AEBP2: variants seen among roughly 807,000 people sequenced by gnomAD.
The protein encoded by AEBP2 is AE binding protein 2.
A neutral mutation model predicts 50.8 loss-of-function variants in AEBP2; 10 were observed. That is an observed-to-expected ratio of 0.20 (90% CI 0.12 to 0.33). The LOEUF (loss-of-function observed/expected upper bound fraction) is 0.33, where lower values mean the gene tolerates loss of function less well. Ranked by LOEUF, AEBP2 falls within the 10% of genes least tolerant of loss-of-function variation. AEBP2 has a pLI of 1.00. For synonymous variants in AEBP2, 296 were observed against 261.3 expected, an observed-to-expected ratio of 1.13 and a Z score of -1.28; for missense variants, 570 against 688.0, an observed-to-expected ratio of 0.83 and a Z score of 1.92.
At chr12:19,481,258 A>C (rs11044597) in intron 3 of AEBP2, among the ~76,000 whole-genome samples, 17 of 149,432 alleles carry the variant, frequency 1.1e-4, no homozygotes, top group African/African-American at 3.7e-4. Context: ...CCACCACCAC[A>C]CCCAGCTAAG....
intron 1 of AEBP2, among the ~76,000 whole-genome samples, chr12:19,421,224 A>T (rs990449014): frequency 5.3e-5 from 8 of 151,502 alleles, no homozygotes; most frequent in Non-Finnish European, 1.0e-4. Context: ...GACACCTGTA[A>T]TCCCTGCTAC....
At chr12:19,469,707 G>T (rs1948541814) in intron 2 of AEBP2, among the ~76,000 whole-genome samples, 1 of 152,168 alleles carries the variant, frequency 6.6e-6, no homozygotes, top group Non-Finnish European at 1.5e-5. Context: ...TCAGCCTCCA[G>T]AGCAGCTGGG....
At chr12:19,454,102 G>A (rs914994151) in intron 1 of AEBP2, among the ~76,000 whole-genome samples, 23 of 151,980 alleles carry the variant, frequency 1.5e-4, no homozygotes, top group Non-Finnish European at 2.2e-4. Flanking sequence ...ATGTTGCCAG[G>A]CTGATCTCCA....
intron 4 of AEBP2, among the ~76,000 whole-genome samples, chr12:19,498,608 A>G (rs1416268771): frequency 6.6e-6 from 1 of 152,146 alleles, no homozygotes; most frequent in Non-Finnish European, 1.5e-5. Flanking sequence ...CAACTCTTTT[A>G]TTAGTGAAAT....
At chr12:19,469,630 T>G (rs1455351886) in intron 2 of AEBP2, among the ~76,000 whole-genome samples, 15 of 152,202 alleles carry the variant, frequency 9.9e-5, no homozygotes, top group Admixed American at 9.8e-4. Context: ...TTAAACATTT[T>G]CAGAGTTGGG....
At chr12:19,458,522 G>A (rs1299208741) in intron 1 of AEBP2, among the ~76,000 whole-genome samples, 1 of 152,150 alleles carries the variant, frequency 6.6e-6, no homozygotes, top group Non-Finnish European at 1.5e-5. Flanking sequence ...TTTATGAGGA[G>A]CTATATCCAC....
intron 5 of AEBP2, 49 bp downstream of exon 5, chr12:19,500,270 A>C (rs1443000878): frequency 7.4e-7 from 1 of 1,354,744 alleles, no homozygotes; most frequent in Non-Finnish European, 9.8e-7. Flanking sequence ...TTTGCAAAAA[A>C]ATATTTCCAC....
At chr12:19,509,603 C>T (rs1283646880) in intron 5 of AEBP2, among the ~76,000 whole-genome samples, 2 of 151,930 alleles carry the variant, frequency 1.3e-5, no homozygotes, top group Non-Finnish European at 2.9e-5. Context: ...AAAGACATAC[C>T]TAGGCGTAGT....
upstream of AEBP2, among the ~76,000 whole-genome samples, chr12:19,435,764 A>G (rs2095753899): frequency 1.3e-5 from 2 of 152,194 alleles, no homozygotes; most frequent in Admixed American, 1.3e-4. Flanking sequence ...CTTACTATAC[A>G]CTTTGTCGAA....
chr12:19,481,092 C>CTTTTTTTTTTTTTTTTTTTT lies in AEBP2; in HGVS notation c.987+7744_987+7763dup, dbSNP rs71067027. On this transcript the variant is annotated intron_variant, in intron 3 of 7. Coordinates refer to ENST00000266508, the MANE Select transcript of AEBP2 (RefSeq NM_153207.5). ...TGTTATTGAAACTTTGCAGTGCATCCTTTTTTTTTTTTTTTTTTTTTTTTT... is the reference window on the plus strand; with the variant it reads ...TGTTATTGAAACTTTGCAGTGCATCCTTTTTTTTTTTTTTTTTTTTTTTTTTTTTTTTTTTTTTTTTTTTT... Among the ~76,000 whole-genome samples the CTTTTTTTTTTTTTTTTTTTT allele has an allele frequency of 4.1e-5, 3 of 74,050 alleles. 1 individual carries two copies. The highest frequency in any genetic ancestry group is 1.1e-4 in the African/African-American group (2 of 17,554). The allele number at this position is 74,050 out of a possible 152,430, so 48.6% of individuals were successfully genotyped here. A position where few individuals can be genotyped will look rare whatever the true frequency, so the allele number is the denominator to read the frequency against.
chr12:19,484,792 A>T (rs1401459777), intron 3 of AEBP2, among the ~76,000 whole-genome samples: 4 of 152,162 alleles, frequency 2.6e-5, no homozygotes, highest in African/African-American at 9.6e-5. Flanking sequence ...GTCTCTGAAG[A>T]AAAAAATGAA....
intron 1 of AEBP2, among the ~76,000 whole-genome samples, chr12:19,458,504 A>G (rs1015059661): frequency 3.9e-5 from 6 of 152,170 alleles, no homozygotes; most frequent in Non-Finnish European, 5.9e-5. Flanking sequence ...CATTTACATT[A>G]TGTTGTCTTT....
At chr12:19,446,649 G>A (rs1359710840) in intron 1 of AEBP2, among the ~76,000 whole-genome samples, 3 of 151,396 alleles carry the variant, frequency 2.0e-5, no homozygotes, top group Non-Finnish European at 4.4e-5. Context: ...GGAGAACGGC[G>A]TGAACCCAGG....
upstream of AEBP2, among the ~76,000 whole-genome samples, chr12:19,435,769 G>T (rs2153365487): frequency 6.6e-6 from 1 of 152,210 alleles, no homozygotes; most frequent in Non-Finnish European, 1.5e-5. Flanking sequence ...TATACACTTT[G>T]TCGAAATCCT....
intron 3 of AEBP2, among the ~76,000 whole-genome samples, chr12:19,482,906 C>T (rs1337839422): frequency 6.6e-6 from 1 of 152,116 alleles, no homozygotes; most frequent in Non-Finnish European, 1.5e-5. Context: ...CCTCATTCAG[C>T]TCCCATGCAG....
At chr12:19,506,224 G>A (rs1426383836) in intron 5 of AEBP2, among the ~76,000 whole-genome samples, 1 of 151,992 alleles carries the variant, frequency 6.6e-6, no homozygotes, top group East Asian at 1.9e-4. Flanking sequence ...AGCTTCCCTA[G>A]TAGCTGGGAC....
chr12:19,412,336 G>C (rs533325991), intron 1 of AEBP2, among the ~76,000 whole-genome samples: 1 of 151,900 alleles, frequency 6.6e-6, no homozygotes, highest in African/African-American at 2.4e-5. Flanking sequence ...GGAGTGCAGT[G>C]GTGTGATCTT....
chr12:19,412,273 T>A (rs1028263022), intron 1 of AEBP2, among the ~76,000 whole-genome samples: 9 of 152,178 alleles, frequency 5.9e-5, no homozygotes, highest in Admixed American at 2.0e-4. Flanking sequence ...TTTATTTTTT[T>A]AATTTTTTTT....
chr12:19,443,607 C>T (rs1948003053), intron 1 of AEBP2, among the ~76,000 whole-genome samples: 1 of 151,980 alleles, frequency 6.6e-6, no homozygotes, highest in African/African-American at 2.4e-5. Context: ...CATGTAATCC[C>T]AGCTACTCAG....
Sources: gnomAD v4.1 joint callset for allele counts (sites outside exome capture counted in the v4.1 genomes callset) on GRCh38, gnomAD v4.1.1 for gene constraint, MANE v1.5 for transcripts, NCBI Gene and HGNC (gene_info 2026-07-23, HGNC 2026-07-21) for gene names.